The following UBTD1 variants were observed in gnomAD, a reference collection of about 807,000 sequenced individuals.
UBTD1 encodes the protein ubiquitin domain-containing protein 1.
Under a neutral mutation model 21.7 loss-of-function variants are expected in UBTD1, and 19 were observed. That is an observed-to-expected ratio of 0.87 (90% CI 0.61 to 1.28). The LOEUF (loss-of-function observed/expected upper bound fraction) is 1.28, where lower values mean the gene tolerates loss of function less well. UBTD1 is among the 50% of genes most tolerant of loss of function. The probability of loss-of-function intolerance (pLI) is 0.00; values close to 1 mark genes in which losing one functional copy is unlikely to be tolerated. For missense variants in UBTD1, 282 were observed against 315.1 expected, an observed-to-expected ratio of 0.89 and a Z score of 0.80; for synonymous variants, 116 against 135.1, an observed-to-expected ratio of 0.86 and a Z score of 0.98.
chr10:97,553,763 G>T (rs185401816), intron 1 of UBTD1, among the ~76,000 whole-genome samples: 2 of 152,240 alleles, frequency 1.3e-5, no homozygotes, highest in East Asian at 3.9e-4. Flanking sequence ...CATTAACCCT[G>T]CCTGCCCCCT....
intron 1 of UBTD1, among the ~76,000 whole-genome samples, chr10:97,539,773 C>T (rs2040579286): frequency 6.6e-6 from 1 of 151,976 alleles, no homozygotes; most frequent in Non-Finnish European, 1.5e-5. Flanking sequence ...TGGTGGGAGG[C>T]TGGGGATATG....
At chr10:97,544,588 A>C (rs2040600347) in intron 1 of UBTD1, among the ~76,000 whole-genome samples, 1 of 152,252 alleles carries the variant, frequency 6.6e-6, no homozygotes. Flanking sequence ...AGTTTTGACC[A>C]GAAGCCTTAC....
chr10:97,565,615 G>A (rs898063306), intron 1 of UBTD1, among the ~76,000 whole-genome samples: 5 of 151,888 alleles, frequency 3.3e-5, no homozygotes, highest in Middle Eastern at 3.4e-3. Context: ...TCACACCACC[G>A]CACTCCAGAC....
chr10:97,530,948 C>T (rs7921278), intron 1 of UBTD1, among the ~76,000 whole-genome samples: 26,703 of 151,650 alleles, frequency 0.18, 2,759 homozygotes, highest in East Asian at 0.48. Flanking sequence ...AGTGCAGTGG[C>T]GCGATCTCGG....
intron 1 of UBTD1, among the ~76,000 whole-genome samples, chr10:97,535,124 T>C (rs2040553829): frequency 6.6e-6 from 1 of 152,108 alleles, no homozygotes; most frequent in South Asian, 2.1e-4. Context: ...GCCATATCTC[T>C]CACCTCCTCT....
intron 1 of UBTD1, among the ~76,000 whole-genome samples, chr10:97,559,770 A>G (rs945001105): frequency 3.9e-5 from 6 of 152,206 alleles, no homozygotes; most frequent in Admixed American, 2.6e-4. Flanking sequence ...TTTAATGTCC[A>G]GTTCACCGAA....
intron 1 of UBTD1, among the ~76,000 whole-genome samples, chr10:97,556,174 G>A (rs1460676752): frequency 6.6e-6 from 1 of 152,170 alleles, no homozygotes; most frequent in Non-Finnish European, 1.5e-5. Flanking sequence ...TATTATAAGA[G>A]TTTTAAATTC....
At chr10:97,531,818 C>A (rs2040533586) in intron 1 of UBTD1, among the ~76,000 whole-genome samples, 1 of 152,180 alleles carries the variant, frequency 6.6e-6, no homozygotes, top group African/African-American at 2.4e-5. Context: ...CCTGTGGTTT[C>A]CAGGTCCCCA....
At chr10:97,530,481 A>G (rs1004142281) in intron 1 of UBTD1, among the ~76,000 whole-genome samples, 1 of 152,238 alleles carries the variant, frequency 6.6e-6, no homozygotes, top group Non-Finnish European at 1.5e-5. Context: ...CTCAGCACAT[A>G]TTTGCTCAAT....
chr10:97,539,228 A>C (rs1032021981), intron 1 of UBTD1, among the ~76,000 whole-genome samples: 5 of 152,220 alleles, frequency 3.3e-5, no homozygotes, highest in African/African-American at 1.2e-4. Context: ...GGGGAACAAC[A>C]ACCCCAACCC....
At chr10:97,506,410 A>G (rs1203286899) in intron 1 of UBTD1, among the ~76,000 whole-genome samples, 1 of 152,102 alleles carries the variant, frequency 6.6e-6, no homozygotes, top group African/African-American at 2.4e-5. Flanking sequence ...GTTTCCACCT[A>G]CAATCATTGC....
intron 1 of UBTD1, among the ~76,000 whole-genome samples, chr10:97,534,578 C>T (rs961501214): frequency 3.2e-4 from 10 of 31,460 alleles, no homozygotes; most frequent in Admixed American, 5.0e-4. Context: ...CACGCGCGCG[C>T]GCACACACAC....
intron 1 of UBTD1, among the ~76,000 whole-genome samples, chr10:97,551,639 C>T (rs2040637926): frequency 1.3e-5 from 2 of 152,156 alleles, no homozygotes; most frequent in South Asian, 4.1e-4. Flanking sequence ...ACAAAGCCTC[C>T]AGGAGCTGTC....
chr10:97,569,969 C>A (rs955649609), intron 2 of UBTD1, among the ~76,000 whole-genome samples, 169 bp from the exon 3 acceptor site: 1 of 151,780 alleles, frequency 6.6e-6, no homozygotes, highest in African/African-American at 2.4e-5. Flanking sequence ...AAGGTCAGGG[C>A]CCCACGCTAT....
chr10:97,499,329 C>T (rs1460024769), intron 1 of UBTD1, 56 bp downstream of exon 1: 13 of 1,527,850 alleles, frequency 8.5e-6, no homozygotes, highest in Non-Finnish European at 1.1e-5. Flanking sequence ...TCCCCCTCCT[C>T]GCCCGAGTCC....
Position 97,567,895 on chromosome 10 carries a change from C to T in UBTD1, c.71-19C>T. 3 of 1,613,604 alleles carry T rather than the reference C, an allele frequency of 1.9e-6. No individual in the cohort carries two copies. The highest frequency in any genetic ancestry group is 2.5e-6 in the Non-Finnish European group (3 of 1,179,740). The stretch of plus-strand genomic sequence containing the variant: ...AAGTGGCTTTAGAGATGCTGAGCCT[C>T]TCCTTCTGTCCTGCCCAGGACGCAA... On this transcript the variant is annotated intron_variant, in intron 1 of 2. Transcript: ENST00000370664.
chr10:97,558,845 A>G (rs1297675733), intron 1 of UBTD1, among the ~76,000 whole-genome samples: 2 of 152,128 alleles, frequency 1.3e-5, no homozygotes, highest in African/African-American at 4.8e-5. Flanking sequence ...AAAGACCTAT[A>G]AGGGGCTTCT....
chr10:97,568,210 TGAG>T (rs962237817), intron 2 of UBTD1, 69 bp downstream of exon 2: 3 of 1,557,702 alleles, frequency 1.9e-6, no homozygotes, highest in Admixed American at 1.7e-5. Flanking sequence ...TTGAGGGTGT[TGAG>T]GAGTGTGGAG....
chr10:97,532,420 C>T (rs1357081152), intron 1 of UBTD1, among the ~76,000 whole-genome samples: 2 of 152,098 alleles, frequency 1.3e-5, no homozygotes, highest in East Asian at 1.9e-4. Context: ...CCGAGGCAGG[C>T]GGATCTCCCG....
Sources: allele counts gnomAD v4.1 joint callset (sites outside exome capture counted in the v4.1 genomes callset), GRCh38; gene constraint gnomAD v4.1.1; transcripts MANE v1.5; gene names NCBI Gene and HGNC (gene_info 2026-07-23, HGNC 2026-07-21).